Variants in GRIP2 observed in about 807,000 individuals in gnomAD.
GRIP2 encodes the protein glutamate receptor-interacting protein 2.
A neutral mutation model predicts 108.3 loss-of-function variants in GRIP2; 58 were observed. That is an observed-to-expected ratio of 0.54 (90% confidence interval 0.43 to 0.67). The LOEUF is 0.67. Ranked by LOEUF, GRIP2 falls within the 30% of genes least tolerant of loss-of-function variation. The pLI is 0.00. For synonymous variants in GRIP2, 586 were observed against 598.2 expected (o/e 0.98, Z 0.30); for missense variants, 1,278 against 1,430.6 (o/e 0.89, Z 1.72).
intron 16 of GRIP2, among the ~76,000 whole-genome samples, chr3:14,510,247 G>A (rs924553737): frequency 2.8e-5 from 4 of 145,228 alleles, no homozygotes; most frequent in Admixed American, 1.4e-4. Flanking sequence ...AGGGAACCCC[G>A]ATCATCCGTT....
At chr3:14,591,658 T>TGGAA in the GRIP2 span, among the ~76,000 whole-genome samples, 6 of 152,252 alleles carry the variant, frequency 3.9e-5, no homozygotes, top group Non-Finnish European at 5.9e-5. Context: ...GCTAACTTTC[T>TGGAA]GGAAGGGAGC....
intron 12 of GRIP2, 115 bp downstream of exon 12, chr3:14,514,177 G>T: frequency 1.0e-6 from 1 of 993,454 alleles, no homozygotes; most frequent in Non-Finnish European, 1.5e-6. Flanking sequence ...TGGGGCTGGT[G>T]CTGGGGCTGA....
chr3:14,500,714 G>C (rs1011117941), intron 21 of GRIP2, among the ~76,000 whole-genome samples: 27 of 152,128 alleles, frequency 1.8e-4, no homozygotes, highest in African/African-American at 6.3e-4. Context: ...AGAGCCTAAA[G>C]CAGTTTACCA....
At chr3:14,546,492 G>T (rs959300087), upstream of GRIP2, among the ~76,000 whole-genome samples, 11 of 152,244 alleles carry the variant, frequency 7.2e-5, no homozygotes, top group African/African-American at 2.6e-4. Flanking sequence ...GGTCCCTTCT[G>T]CTCTGAGCCT....
chr3:14,573,820 TG>T, the GRIP2 span: 1 of 1,526,800 alleles, frequency 6.5e-7, no homozygotes, highest in Non-Finnish European at 9.1e-7. Context: ...TCTGGGGCGC[TG>T]GAATGGATGG....
At chr3:14,584,861 C>T in the GRIP2 span, among the ~76,000 whole-genome samples, 1 of 152,250 alleles carries the variant, frequency 6.6e-6, no homozygotes, top group South Asian at 2.1e-4. Context: ...GCCTCGCTGC[C>T]TCTGCCTCCC....
At position 14,524,546 on chromosome 3, in the gene GRIP2, A is replaced by G; in HGVS notation, c.258-8T>C. 6.4e-7 allele frequency: 1 copy of G among 1,551,104 alleles called. No individual in the cohort carries two copies. The highest frequency in any genetic ancestry group is 2.4e-5 in the East Asian group (1 of 40,892). ...ATGTTCAGCAGATCACTCCTAGAGCAGGAAGGCCAGGGCACACATGGTAAC... is the reference window on the plus strand; with the variant it reads ...ATGTTCAGCAGATCACTCCTAGAGCGGGAAGGCCAGGGCACACATGGTAAC... On this transcript the variant is annotated splice_region_variant and splice_polypyrimidine_tract_variant and intron_variant, in intron 3 of 23. Transcript: ENST00000621039.
intron 17 of GRIP2, among the ~76,000 whole-genome samples, chr3:14,509,050 C>T (rs1694009090): frequency 6.6e-6 from 1 of 152,022 alleles, no homozygotes; most frequent in Admixed American, 6.6e-5. Flanking sequence ...GGTTCCACAC[C>T]GACCTCTGCA....
At chr3:14,541,852 C>T, upstream of GRIP2, 5 of 1,309,262 alleles carry the variant, frequency 3.8e-6, no homozygotes, top group South Asian at 1.2e-5. Context: ...TCAAATCATG[C>T]AGGGACGGGG....
At chr3:14,537,212 C>T (rs576250190) in intron 1 of GRIP2, among the ~76,000 whole-genome samples, 8 of 152,284 alleles carry the variant, frequency 5.3e-5, no homozygotes, top group African/African-American at 1.9e-4. Flanking sequence ...TCGGCTGTTC[C>T]CTCTGCCCAC....
At chr3:14,596,866 G>A in the GRIP2 span, among the ~76,000 whole-genome samples, 528 of 151,792 alleles carry the variant, frequency 3.5e-3, 9 homozygotes, top group Non-Finnish European at 3.9e-3. Context: ...TCAGCCTCCT[G>A]AGCAGCTGGG....
At chr3:14,526,858 T>TC (rs1162468366) in intron 1 of GRIP2, among the ~76,000 whole-genome samples, 3 of 152,080 alleles carry the variant, frequency 2.0e-5, no homozygotes, top group Admixed American at 6.5e-5. Flanking sequence ...CAAAATGTGG[T>TC]CCCCAGGCCC....
In GRIP2 at chr3:14,512,883, C is replaced by T. The variant is rs1478543496; in HGVS notation, c.1640-26G>A. The T allele has an allele frequency of 4.4e-6, 7 of 1,608,724 alleles. No homozygotes were observed. In the East Asian group the frequency reaches 6.7e-5, roughly 15 times the overall value. On this transcript the variant is annotated intron_variant, in intron 13 of 23. Transcript: ENST00000621039. The surrounding 1 kb of genome is among the most constrained non-coding windows in gnomAD (Gnocchi z 5.1). ...CTGGGGGTAGATGGACATAAACCGA[C>T]GTGAGGACCCAGAGGAGGAGCCTCA...
At chr3:14,567,891 A>C in the GRIP2 span, among the ~76,000 whole-genome samples, 1 of 152,226 alleles carries the variant, frequency 6.6e-6, no homozygotes, top group Non-Finnish European at 1.5e-5. Flanking sequence ...GTTATGAGGT[A>C]GGGGGAGGTC....
At chr3:14,573,894 G>C in the GRIP2 span, 1 of 1,204,976 alleles carries the variant, frequency 8.3e-7, no homozygotes, top group South Asian at 1.3e-5. Flanking sequence ...CAGGCAGCCC[G>C]ACCTGTCGTT....
chr3:14,571,745 C>T, the GRIP2 span, among the ~76,000 whole-genome samples: 1 of 152,152 alleles, frequency 6.6e-6, no homozygotes, highest in African/African-American at 2.4e-5. Context: ...AACCCTCATT[C>T]GGGGGACTCT....
rs9843227 is a variant in GRIP2, at chr3:14,553,201, T to A, written c.55+2699A>T. On this transcript the variant is annotated intron_variant, in intron 1 of 23. Transcript: ENST00000637182. Reference sequence around the variant, plus strand: ...TGATTCACTACAACCTGTGCCTCCCTGGTCCAAGCTATTCTCCTGCCTCAG... The same window carrying A: ...TGATTCACTACAACCTGTGCCTCCCAGGTCCAAGCTATTCTCCTGCCTCAG... Among the ~76,000 whole-genome samples the A allele has an allele frequency of 5.3e-5, 8 of 151,432 alleles. No homozygotes were observed. In the East Asian group the frequency reaches 5.9e-4, roughly 11 times the overall value.
At chr3:14,555,332 G>T (rs1199108302) in intron 1 of GRIP2, among the ~76,000 whole-genome samples, 2 of 152,114 alleles carry the variant, frequency 1.3e-5, no homozygotes, top group African/African-American at 4.8e-5. Flanking sequence ...CAGCCCCACG[G>T]CCTCAACAGG....
the GRIP2 span, among the ~76,000 whole-genome samples, chr3:14,583,868 T>G: frequency 6.6e-6 from 1 of 152,182 alleles, no homozygotes; most frequent in Admixed American, 6.5e-5. Flanking sequence ...TCCTCCATCT[T>G]GGGAGGGGCC....
Sources: gnomAD v4.1 joint callset for allele counts (sites outside exome capture counted in the v4.1 genomes callset) on GRCh38, gnomAD v4.1.1 for gene constraint, Gnocchi (gnomAD v3.1) non-coding constraint, MANE v1.5 for transcripts, NCBI Gene and HGNC (gene_info 2026-07-23, HGNC 2026-07-21) for gene names.